HSPA4: variants seen among roughly 807,000 people sequenced by gnomAD.
HSPA4 encodes heat shock protein family A (Hsp70) member 4, also known as heat shock 70 kDa protein 4.
A neutral mutation model predicts 106.2 loss-of-function variants in HSPA4; 25 were observed. The ratio of observed to expected loss-of-function variants is 0.24; its 90% CI spans 0.17 to 0.33. The LOEUF is 0.33. Among genes scored for constraint, HSPA4 ranks in the 10% least tolerant of loss-of-function variants. HSPA4 has a pLI of 1.00. For missense variants in HSPA4, 841 were observed against 996.0 expected, an observed-to-expected ratio of 0.84 and a Z score of 2.10; for synonymous variants, 332 against 333.6, an observed-to-expected ratio of 1.00 and a Z score of 0.05.
rs1765855569 is a variant in HSPA4 at position 133,106,101 on chromosome 5, AATTTTTTTTTTTTTTTTTTTTTTTT to A, written c.*1666_*1690del. On this transcript the variant is annotated 3_prime_UTR_variant, in exon 19 of 19. Transcript: ENST00000304858. ...GGCCATTTCTTCTTAAAAAAAAAAA[AATTTTTTTTTTTTTTTTTTTTTTTT>A]TTTTTTTTTTTTTTGGTGTGTGTGT... 1.6e-4 allele frequency: 13 copies of A among 80,226 alleles called. 2 individuals carry two copies. The highest frequency in any genetic ancestry group is 6.1e-4 in the African/African-American group (12 of 19,820). The allele number at this position is 80,226 out of a possible 1,614,324, so 5.0% of individuals were successfully genotyped here.
Position 133,067,565 on chromosome 5 carries a change from T to G in HSPA4, c.306+8T>G, listed in dbSNP as rs762602880. 1.2e-5 allele frequency: 19 copies of G among 1,606,000 alleles called. No homozygotes were observed. The highest frequency in any genetic ancestry group is 5.4e-5 in the African/African-American group (4 of 74,596). On this transcript the variant is annotated splice_region_variant and intron_variant, in intron 3 of 18. Coordinates refer to ENST00000304858, the MANE Select transcript of HSPA4 (RefSeq NM_002154.4). ...GGATTAACAGGTATAAAGGTAAGGT[T>G]GTCAGGTTAATGCCTTTTAATTAAA... is the stretch of plus-strand genomic sequence containing the variant.
intron 7 of HSPA4, among the ~76,000 whole-genome samples, chr5:133,077,657 G>A (rs1448760049): frequency 6.6e-6 from 1 of 152,158 alleles, no homozygotes; most frequent in African/African-American, 2.4e-5. Flanking sequence ...TACCCAGAGT[G>A]TTATTGTTGC....
chr5:133,086,767 TTTTG>T lies in HSPA4; in HGVS notation c.909-11_909-8del, dbSNP rs774407500. ...TTAATGTACTGTGTTTTTTGTTTTG[TTTTG>T]TTTTTTATAGAGGCAAATTTCTGGA... On this transcript the variant is annotated splice_polypyrimidine_tract_variant and intron_variant, in intron 7 of 18. Coordinates refer to ENST00000304858, the MANE Select transcript of HSPA4 (RefSeq NM_002154.4). 2.5e-6 allele frequency: 4 copies of T among 1,597,812 alleles called. No individual in the cohort carries two copies. In the East Asian group the frequency reaches 8.9e-5, roughly 36 times the overall value.
chr5:133,053,713 G>A (rs1326892050), intron 1 of HSPA4, among the ~76,000 whole-genome samples: 2 of 151,724 alleles, frequency 1.3e-5, no homozygotes, highest in Non-Finnish European at 2.9e-5. Context: ...AGGCTGGAGT[G>A]CAGTGGCATG....
At position 133,085,591 on chromosome 5, in the gene HSPA4, T is replaced by TGGA. The variant is rs1000175691; in HGVS notation, c.909-1188_909-1186dup. On this transcript the variant is annotated intron_variant, in intron 7 of 18. Transcript: ENST00000304858. ...AGGAGAATTGCTTGAACCCGGAAGG[T>TGGA]GGAGGTTGCAGTGAGCTGGGATTGC... Among the ~76,000 whole-genome samples, 76 of 151,248 alleles carry TGGA rather than the reference T, an allele frequency of 5.0e-4. 1 individual carries two copies. The highest frequency in any genetic ancestry group is 1.8e-3 in the African/African-American group (74 of 41,000).
At position 133,091,235 on chromosome 5, in the gene HSPA4, C is replaced by G; in HGVS notation, c.1421C>G (p.Ser474Cys). 6.2e-7 allele frequency: 1 copy of G among 1,614,034 alleles called. No individual in the cohort carries two copies. Among genetic ancestry groups the G allele is most frequent in the Non-Finnish European group, 8.5e-7 (1 of 1,179,952 alleles). ...VQKVTPQSDGSSSKVKVKVRV... is the reference protein window; with the variant it reads ...VQKVTPQSDGCSSKVKVKVRV... ...AAAGTCACTCCTCAGTCTGATGGCT[C>G]CAGTTCAAAAGTGAAAGTCAAAGTT... The change falls in exon 12 of 19, where the codon TCC becomes TGC. Residue 474 changes from serine to cysteine, a missense_variant. Transcript: ENST00000304858.
At position 133,099,651 on chromosome 5, in the gene HSPA4, A is replaced by C; in HGVS notation, c.2036A>C (p.Lys679Thr). The change falls in exon 16 of 19, where the codon AAA becomes ACA. Residue 679 changes from lysine (K) to threonine (T), a missense_variant and splice_region_variant. Physicochemically the swap from Lys to Thr is moderately conservative, Grantham distance 78 (BLOSUM62 -1). Transcript: ENST00000304858. ...QVYVDKLAEL[K>T]NLGQPIKIRF... is the part of the protein sequence containing the mutation. ...TATGTTGATAAGTTGGCTGAATTAAAAGTAAGTGACTCTTGAGAGCAGAGG... is the reference window on the plus strand; with the variant it reads ...TATGTTGATAAGTTGGCTGAATTAACAGTAAGTGACTCTTGAGAGCAGAGG... 1 of 1,556,318 alleles carries C rather than the reference A, an allele frequency of 6.4e-7. No homozygotes were observed. The highest frequency in any genetic ancestry group is 8.9e-7 in the Non-Finnish European group (1 of 1,129,544).
chr5:133,105,050 C>G lies in HSPA4; in HGVS notation c.*614C>G, dbSNP rs1765840222. The G allele has an allele frequency of 6.6e-6, 1 of 152,164 alleles. No homozygotes were observed. Among genetic ancestry groups the G allele is most frequent in the Non-Finnish European group, 1.5e-5 (1 of 68,194 alleles). The allele number at this position is 152,164 out of a possible 1,614,324, so 9.4% of individuals were successfully genotyped here. On this transcript the variant is annotated 3_prime_UTR_variant, in exon 19 of 19. Coordinates refer to ENST00000304858, the MANE Select transcript of HSPA4 (RefSeq NM_002154.4). The stretch of plus-strand genomic sequence containing the variant: ...CATGTACTTCTCTTGGGAAAATAGA[C>G]CCCCTTGCCTAGAGTAAGTTGTTAA...
At chr5:133,097,078 GTC>G (rs1314030105) in intron 14 of HSPA4, 81 bp from the exon 15 acceptor site, 4 of 1,127,768 alleles carry the variant, frequency 3.5e-6, no homozygotes, top group Non-Finnish European at 3.8e-6. Flanking sequence ...GGAAGAAAGA[GTC>G]TCTACTTTTA....
At chr5:133,097,580 C>T (rs1765729743) in intron 15 of HSPA4, among the ~76,000 whole-genome samples, 2 of 134,110 alleles carry the variant, frequency 1.5e-5, no homozygotes, top group South Asian at 4.7e-4. Flanking sequence ...CAGAGTTTTG[C>T]TCTTGTTGCT....
intron 11 of HSPA4, among the ~76,000 whole-genome samples, chr5:133,090,430 CA>C (rs56263518): frequency 0.028 from 1,548 of 54,752 alleles, 1 homozygote; most frequent in East Asian, 0.04. Flanking sequence ...GACTCTGTCT[CA>C]AAAAAAAAAA....
At chr5:133,067,923 C>G (rs1464080544) in intron 3 of HSPA4, among the ~76,000 whole-genome samples, 3 of 147,592 alleles carry the variant, frequency 2.0e-5, no homozygotes, top group Non-Finnish European at 4.5e-5. Context: ...GATGGACTCT[C>G]GCCTTGTCAC....
chr5:133,078,368 T>C (rs1765471642), intron 7 of HSPA4, among the ~76,000 whole-genome samples: 1 of 150,158 alleles, frequency 6.7e-6, no homozygotes, highest in African/African-American at 2.5e-5. Flanking sequence ...TGATGGGGCA[T>C]GGTGGCTCAC....
rs747720062 is a variant in HSPA4, at chr5:133,105,967, C to T, written c.*1531C>T. On this transcript the variant is annotated 3_prime_UTR_variant, in exon 19 of 19. Coordinates refer to ENST00000304858, the MANE Select transcript of HSPA4 (RefSeq NM_002154.4). ...TTCTTAGCACATCCTCTGTTCTCTACCTGTCATGCTTCAAGAGTTCCAGCT... is the reference window on the plus strand; with the variant it reads ...TTCTTAGCACATCCTCTGTTCTCTATCTGTCATGCTTCAAGAGTTCCAGCT... 6.6e-6 allele frequency: 1 copy of T among 151,886 alleles called. No individual in the cohort carries two copies. Among genetic ancestry groups the T allele is most frequent in the African/African-American group, 2.4e-5 (1 of 41,322 alleles). The allele number at this position is 151,886 out of a possible 1,614,324, so 9.4% of individuals were successfully genotyped here. A position where few individuals can be genotyped will look rare whatever the true frequency, so the allele number is the denominator to read the frequency against.
chr5:133,088,066 G>C (rs895251124), intron 8 of HSPA4, among the ~76,000 whole-genome samples: 3 of 152,122 alleles, frequency 2.0e-5, no homozygotes, highest in Non-Finnish European at 4.4e-5. Context: ...CTGATGGCTA[G>C]CGTGTTTGAA....
intron 4 of HSPA4, among the ~76,000 whole-genome samples, chr5:133,072,655 C>T (rs1197896045): frequency 6.6e-6 from 1 of 151,496 alleles, no homozygotes; most frequent in Non-Finnish European, 1.5e-5. Flanking sequence ...GATCCACCCA[C>T]CACGGCCCCC....
At position 133,082,141 on chromosome 5, in the gene HSPA4, A is replaced by G. The variant is rs74908370; in HGVS notation, c.909-4641A>G. ...ATACTAAAACATGGGTGAACCTTCA[A>G]AAGTTCACGCTGCTGAAAGAAGTCA... On this transcript the variant is annotated intron_variant, in intron 7 of 18. Coordinates refer to ENST00000304858, the MANE Select transcript of HSPA4 (RefSeq NM_002154.4). Among the ~76,000 whole-genome samples, 17 of 152,320 alleles carry G rather than the reference A, an allele frequency of 1.1e-4. No individual in the cohort carries two copies. In the East Asian group the frequency reaches 2.7e-3, roughly 24 times the overall value.
chr5:133,094,640 C>T (rs1447564191), intron 13 of HSPA4, among the ~76,000 whole-genome samples: 1 of 152,080 alleles, frequency 6.6e-6, no homozygotes, highest in African/African-American at 2.4e-5. Flanking sequence ...GGCTGCTTCC[C>T]CAATGCCTTT....
chr5:133,070,846 G>A (rs911440044), intron 4 of HSPA4, among the ~76,000 whole-genome samples: 2 of 152,170 alleles, frequency 1.3e-5, no homozygotes, highest in African/African-American at 2.4e-5. Context: ...AGGTTGCGGT[G>A]AGCCGAGATC....
Sources: gnomAD v4.1 joint callset for allele counts (sites outside exome capture counted in the v4.1 genomes callset) on GRCh38, gnomAD v4.1.1 for gene constraint, MANE v1.5 for transcripts, NCBI Gene and HGNC (gene_info 2026-07-23, HGNC 2026-07-21) for gene names.